The following SETD9 variants were observed in gnomAD, a reference collection of about 807,000 sequenced individuals.
SETD9 encodes the protein SET domain containing 9.
SETD9 carries 37 observed loss-of-function variants against 36.4 expected under a neutral mutation model. The observed-to-expected ratio is 1.02, with a 90% CI of 0.78 to 1.34. The LOEUF is 1.34. SETD9 is among the 40% of genes most tolerant of loss of function. SETD9 has a pLI of 0.00. For missense variants in SETD9, 323 were observed against 353.2 expected (o/e 0.91, Z 0.69); for synonymous variants, 128 against 132.9 (o/e 0.96, Z 0.26).
At chr5:56,922,525 T>C (rs1365525734) in intron 5 of SETD9, 1 of 152,992 alleles carries the variant, frequency 6.5e-6, no homozygotes, top group East Asian at 1.9e-4. Flanking sequence ...TAAACTGAAG[T>C]GCTCTAGTTG....
At chr5:56,910,134 A>G in intron 1 of SETD9, 1 of 1,228,168 alleles carries the variant, frequency 8.1e-7, no homozygotes, top group Admixed American at 3.3e-5. Context: ...GGGAGCTTGT[A>G]TCTGGGCAAA....
rs1040811432 is a variant in SETD9 at position 56,911,053 on chromosome 5, CCA to C, written c.99-109_99-108del. On this transcript the variant is annotated intron_variant, in intron 1 of 5. Coordinates refer to ENST00000285947, the MANE Select transcript of SETD9 (RefSeq NM_153706.4). ...TTTTCTGAACTTAGTTTCCAGCCCTCCACACACATGAGAATAAGCTTATAGTT... is the reference window on the plus strand; with the variant it reads ...TTTTCTGAACTTAGTTTCCAGCCCTCCACACATGAGAATAAGCTTATAGTT... The C allele has an allele frequency of 1.5e-5, 18 of 1,231,684 alleles. No individual in the cohort carries two copies. In the Middle Eastern group the frequency reaches 1.5e-3, roughly 104 times the overall value. The allele number at this position is 1,231,684 out of a possible 1,614,324, so 76.3% of individuals were successfully genotyped here.
At chr5:56,920,952 T>G (rs1749643792), downstream of SETD9, 1 of 152,584 alleles carries the variant, frequency 6.6e-6, no homozygotes, top group Admixed American at 6.5e-5. Flanking sequence ...TTTATTTTTC[T>G]CTCATACCAT....
intron 5 of SETD9, chr5:56,922,883 G>A (rs1579828279): frequency 6.3e-6 from 3 of 479,436 alleles, no homozygotes; most frequent in Non-Finnish European, 1.1e-5. Flanking sequence ...GAGAGAAGCA[G>A]AGCTTAAAGC....
At chr5:56,928,602 C>T, downstream of SETD9, 1 of 501,534 alleles carries the variant, frequency 2.0e-6, no homozygotes, top group Admixed American at 3.7e-5. Context: ...ATTCCATAAG[C>T]AGGCTGTGGC....
downstream of SETD9, chr5:56,917,380 T>G: frequency 1.1e-6 from 1 of 920,464 alleles, no homozygotes; most frequent in Non-Finnish European, 1.3e-6. Flanking sequence ...TAAAGATTGC[T>G]CTAGCTGGCT....
At chr5:56,928,361 T>C (rs1449522732), downstream of SETD9, 1 of 153,190 alleles carries the variant, frequency 6.5e-6, no homozygotes. Context: ...CTTACCAGCA[T>C]TTGGTGGTGT....
chr5:56,910,034 C>T, intron 1 of SETD9: 1 of 1,337,548 alleles, frequency 7.5e-7, no homozygotes, highest in Non-Finnish European at 9.6e-7. Flanking sequence ...GGCCTCTTTC[C>T]CAGTGTCCGC....
rs549213356 is a variant in SETD9 at position 56,911,399 on chromosome 5, T to C, written c.329T>C (p.Phe110Ser). Residue 110 changes from phenylalanine (F) to serine (S), a missense_variant, in exon 2 of 6, where the codon TTT (phenylalanine) becomes TCT (serine). Transcript: ENST00000285947. ...LENRHQQQST[F>S]KPEEILYKTL... ...AACAGACATCAACAGCAAAGTACCTTTAAACCAGAAGAAATTCTTTACAAG... is the reference window on the plus strand; with the variant it reads ...AACAGACATCAACAGCAAAGTACCTCTAAACCAGAAGAAATTCTTTACAAG... The C allele has an allele frequency of 6.2e-7, 1 of 1,613,826 alleles. No individual in the cohort carries two copies. Among genetic ancestry groups the C allele is most frequent in the Non-Finnish European group, 8.5e-7 (1 of 1,179,938 alleles).
At chr5:56,927,833 G>C (rs776195818), downstream of SETD9, 8 of 152,194 alleles carry the variant, frequency 5.3e-5, no homozygotes, top group Non-Finnish European at 1.0e-4. Flanking sequence ...ATACAGGGTA[G>C]TTTCATTGCC....
chr5:56,918,337 T>TGTCA (rs1338138217), downstream of SETD9, among the ~76,000 whole-genome samples: 3 of 152,200 alleles, frequency 2.0e-5, no homozygotes, highest in East Asian at 5.8e-4. Flanking sequence ...TCTCCCTTCC[T>TGTCA]GTCACCTCAG....
At chr5:56,911,582 T>C (rs1238382265) in intron 2 of SETD9, 46 bp downstream of exon 2, 1 of 1,481,026 alleles carries the variant, frequency 6.8e-7, no homozygotes, top group Admixed American at 2.5e-5. Context: ...TCTTACGTAT[T>C]GATAAACATA....
chr5:56,912,915 A>G (rs112222747), intron 2 of SETD9, 96 bp from the exon 3 acceptor site: 1 of 1,327,730 alleles, frequency 7.5e-7, no homozygotes, highest in East Asian at 2.4e-5. Flanking sequence ...GAAAGTAACT[A>G]AAGAGAATGT....
downstream of SETD9, chr5:56,919,688 T>A (rs1561225017): frequency 6.6e-6 from 1 of 152,626 alleles, no homozygotes; most frequent in East Asian, 1.9e-4. Flanking sequence ...AAAATCAGTG[T>A]TTATGTACAA....
At chr5:56,927,947 CAT>C (rs1040270013), downstream of SETD9, 3 of 152,102 alleles carry the variant, frequency 2.0e-5, no homozygotes, top group African/African-American at 7.2e-5. Flanking sequence ...TTCAGAATAT[CAT>C]ATATTTGGAA....
chr5:56,915,013 T>A lies in SETD9; in HGVS notation c.812+47T>A, dbSNP rs200898638. Reference sequence around the variant, plus strand: ...TTCATATCTTCTGCTTATGCTGTACTTAAAAAAATATAGAAGAAAAAGCTA... The same window carrying A: ...TTCATATCTTCTGCTTATGCTGTACATAAAAAAATATAGAAGAAAAAGCTA... On this transcript the variant is annotated intron_variant, in intron 5 of 5. Coordinates refer to ENST00000285947, the MANE Select transcript of SETD9 (RefSeq NM_153706.4). 1,585 of 1,344,284 alleles carry A rather than the reference T, an allele frequency of 1.2e-3. 5 individuals are homozygous for A. The highest frequency in any genetic ancestry group is 1.6e-3 in the Middle Eastern group (8 of 5,152). 83.3% of individuals were successfully genotyped at this position (1,344,284 alleles called of 1,614,324 possible).
chr5:56,912,329 A>T (rs151126777), intron 2 of SETD9: 1 of 728,934 alleles, frequency 1.4e-6, no homozygotes, highest in Non-Finnish European at 1.7e-6. Flanking sequence ...TTAAACTAAC[A>T]TTATATTATT....
At chr5:56,912,880 T>C (rs928369380) in intron 2 of SETD9, 131 bp from the exon 3 acceptor site, 16 of 881,176 alleles carry the variant, frequency 1.8e-5, no homozygotes, top group East Asian at 5.0e-5. Context: ...CCATCTGCTA[T>C]TGGGCGTTCA....
chr5:56,923,403 A>C (rs766219551), intron 5 of SETD9: 1 of 1,614,030 alleles, frequency 6.2e-7, no homozygotes, highest in African/African-American at 1.3e-5. Context: ...GAGTGATAAA[A>C]TCCAGTCTCA....
Sources: allele counts gnomAD v4.1 joint callset (sites outside exome capture counted in the v4.1 genomes callset), GRCh38; gene constraint gnomAD v4.1.1; transcripts MANE v1.5; gene names NCBI Gene and HGNC (gene_info 2026-07-23, HGNC 2026-07-21).